Variants in RBL2 observed in about 807,000 individuals in gnomAD.
RBL2 encodes RB transcriptional corepressor like 2.
A neutral mutation model predicts 126.0 loss-of-function variants in RBL2; 56 were observed. The ratio of observed to expected loss-of-function variants is 0.44; its 90% CI spans 0.36 to 0.56. The LOEUF is 0.56. RBL2 is among the 20% of genes least tolerant of loss of function. RBL2 has a pLI of 0.00. For missense variants in RBL2, 1,229 were observed against 1,398.2 expected (o/e 0.88, Z 1.93); for synonymous variants, 454 against 478.5 (o/e 0.95, Z 0.67).
chr16:53,453,989 A>C (rs2058141288), intron 7 of RBL2, among the ~76,000 whole-genome samples: 1 of 152,160 alleles, frequency 6.6e-6, no homozygotes, highest in African/African-American at 2.4e-5. Context: ...CTGGATTATA[A>C]ATTTTGAAAT....
intron 19 of RBL2, 137 bp from the exon 20 acceptor site, chr16:53,480,430 G>A: frequency 4.2e-6 from 3 of 719,326 alleles, no homozygotes; most frequent in Non-Finnish European, 7.1e-6. Flanking sequence ...TTGCTTTTTG[G>A]TGTGAAGAAC....
chr16:53,486,823 A>G lies in RBL2; in HGVS notation c.3250-3307A>G, dbSNP rs951139017. Among the ~76,000 whole-genome samples, 5 of 152,214 alleles carry G rather than the reference A, an allele frequency of 3.3e-5. No homozygotes were observed. The South Asian group carries it at 8.3e-4, about 25-fold the overall frequency. On this transcript the variant is annotated intron_variant, in intron 21 of 21. Coordinates refer to ENST00000262133, the MANE Select transcript of RBL2 (RefSeq NM_005611.4). Reference sequence around the variant, plus strand: ...CAGCCTGGATTGTCTACATAGGAAAATCACAAAGAATCCACAAAAAGCTAC... The same window carrying G: ...CAGCCTGGATTGTCTACATAGGAAAGTCACAAAGAATCCACAAAAAGCTAC...
chr16:53,480,980 A>G (rs1598129777), intron 20 of RBL2: 7 of 433,108 alleles, frequency 1.6e-5, no homozygotes, highest in Non-Finnish European at 2.9e-5. Context: ...CCAACGTGGT[A>G]AAACCCAGTC....
intron 5 of RBL2, among the ~76,000 whole-genome samples, chr16:53,452,353 A>G (rs950457563): frequency 6.6e-5 from 10 of 152,228 alleles, no homozygotes; most frequent in Non-Finnish European, 1.2e-4. Context: ...AAACAGTTAC[A>G]AGCCCAAATT....
intron 21 of RBL2, among the ~76,000 whole-genome samples, chr16:53,485,959 T>C (rs1190812978): frequency 6.6e-6 from 1 of 151,770 alleles, no homozygotes; most frequent in Non-Finnish European, 1.5e-5. Context: ...AATGACACAT[T>C]ACTAGTATAC....
rs1345516419 is a variant in RBL2, at chr16:53,470,587, A to C, written c.2450A>C (p.Gln817Pro). ...IQQISPGGQQ[Q>P]KQGQSVTSSS... ...CAGATTTCCCCAGGTGGCCAACAGC[A>C]GAAGCAAGGCCAGTCTGTAACCAGC... Residue 817 changes from glutamine to proline, a missense_variant, in exon 16 of 22, where the codon CAG (glutamine) becomes CCG (proline). By Grantham distance (76) the Gln-to-Pro change is moderately conservative (BLOSUM62 -1). Transcript: ENST00000262133. 3 of 1,614,114 alleles carry C rather than the reference A, an allele frequency of 1.9e-6. No individual in the cohort carries two copies. The highest frequency in any genetic ancestry group is 2.5e-6 in the Non-Finnish European group (3 of 1,180,042).
At chr16:53,451,486 A>G (rs923531447) in intron 4 of RBL2, among the ~76,000 whole-genome samples, 7 of 152,202 alleles carry the variant, frequency 4.6e-5, no homozygotes, top group Admixed American at 2.0e-4. Context: ...AGCCTGGGTG[A>G]CCCACCAAGA....
Position 53,465,579 on chromosome 16 carries a change from A to C in RBL2, c.1840A>C (p.Asn614His). 1 of 1,594,216 alleles carries C rather than the reference A, an allele frequency of 6.3e-7. No individual in the cohort carries two copies. Among genetic ancestry groups the C allele is most frequent in the South Asian group, 1.2e-5 (1 of 86,510 alleles). ...CTGGGAAAAAATTAGAGACAATGAA[A>C]ACAGAGTTCCTACATGTGAAGAGGT... ...PLWEKIRDNE[N>H]RVPTCEEVMP... The change falls in exon 13 of 22, where the codon AAC becomes CAC. Residue 614 changes from asparagine (N) to histidine (H), a missense_variant. By Grantham distance (68) the Asn-to-His change is moderately conservative. This residue lies in a region of RBL2 where 1,070 missense variants were observed against 1,274.3 expected (regional missense o/e 0.84). Transcript: ENST00000262133.
chr16:53,477,779 T>C (rs918696842), intron 17 of RBL2, among the ~76,000 whole-genome samples: 2 of 152,132 alleles, frequency 1.3e-5, no homozygotes, highest in African/African-American at 4.8e-5. Context: ...TTGTATGTTA[T>C]GGGTACATTA....
intron 11 of RBL2, among the ~76,000 whole-genome samples, chr16:53,463,559 T>TC (rs1220955492): frequency 2.7e-5 from 4 of 147,914 alleles, no homozygotes; most frequent in Non-Finnish European, 6.0e-5. Context: ...TATTTTTTTT[T>TC]CCTTTTTTTT....
intron 12 of RBL2, 132 bp downstream of exon 12, chr16:53,464,495 G>T: frequency 4.1e-6 from 3 of 730,812 alleles, no homozygotes; most frequent in Non-Finnish European, 6.2e-6. Flanking sequence ...CTCTATTTGT[G>T]GAGTAGAAAA....
chr16:53,465,242 A>G (rs1336978410), intron 12 of RBL2, among the ~76,000 whole-genome samples, 196 bp from the exon 13 acceptor site: 2 of 152,248 alleles, frequency 1.3e-5, no homozygotes, highest in Non-Finnish European at 2.9e-5. Flanking sequence ...TTTTCATTAA[A>G]AAATTTTGAA....
intron 17 of RBL2, among the ~76,000 whole-genome samples, chr16:53,473,761 T>G (rs1244203300): frequency 6.6e-6 from 1 of 152,078 alleles, no homozygotes; most frequent in Non-Finnish European, 1.5e-5. Context: ...TAAAGTATGA[T>G]AGTAGTTATG....
chr16:53,467,238 A>T, intron 14 of RBL2, 69 bp downstream of exon 14: 1 of 1,289,966 alleles, frequency 7.8e-7, no homozygotes, highest in Non-Finnish European at 1.1e-6. Flanking sequence ...ATCTAACCCT[A>T]CAAGTGAAGT....
At chr16:53,460,855 G>C (rs1338168833) in intron 9 of RBL2, among the ~76,000 whole-genome samples, 3 of 152,050 alleles carry the variant, frequency 2.0e-5, no homozygotes, top group Admixed American at 6.6e-5. Context: ...TTGTGATCAA[G>C]ATAAAAACAG....
intron 10 of RBL2, among the ~76,000 whole-genome samples, chr16:53,462,269 C>A (rs17801093): frequency 0.16 from 24,101 of 151,938 alleles, 1,932 homozygotes; most frequent in South Asian, 0.27. Context: ...TAGCATTGGT[C>A]TGTTTTGTTC....
intron 2 of RBL2, among the ~76,000 whole-genome samples, chr16:53,440,211 A>C (rs1049131627): frequency 6.6e-6 from 1 of 151,580 alleles, no homozygotes; most frequent in Non-Finnish European, 1.5e-5. Context: ...CAGGAAAATC[A>C]CTTGAGCCCA....
chr16:53,436,956 T>G (rs2057964390), intron 1 of RBL2, among the ~76,000 whole-genome samples: 1 of 152,226 alleles, frequency 6.6e-6, no homozygotes, highest in African/African-American at 2.4e-5. Context: ...TTAAAAGAGC[T>G]TCGCGCTCCA....
chr16:53,469,528 G>T (rs8061388), intron 14 of RBL2, among the ~76,000 whole-genome samples: 2,445 of 152,198 alleles, frequency 0.016, 73 homozygotes, highest in African/African-American at 0.056. Context: ...TACATGAGTG[G>T]TAGGTAGAAA....
Sources: allele counts gnomAD v4.1 joint callset (sites outside exome capture counted in the v4.1 genomes callset), GRCh38; gene constraint gnomAD v4.1.1; regional missense constraint gnomAD v4.1.1; transcripts MANE v1.5; gene names NCBI Gene and HGNC (gene_info 2026-07-23, HGNC 2026-07-21).